NALF1: variants seen among roughly 807,000 people sequenced by gnomAD.
The protein encoded by NALF1 is NALCN channel auxiliary factor 1, also known as family with sequence similarity 155 member A.
NALF1 carries 3 observed loss-of-function variants against 48.4 expected under a neutral mutation model. The ratio of observed to expected loss-of-function variants is 0.06; its 90% CI spans 0.03 to 0.16. The LOEUF is 0.16. Ranked by LOEUF, NALF1 falls within the 10% of genes least tolerant of loss-of-function variation. The pLI, the probability that NALF1 is intolerant of heterozygous loss-of-function variation, is 1.00. For synonymous variants in NALF1, 262 were observed against 245.7 expected (o/e 1.07, Z -0.62); for missense variants, 526 against 571.5 (o/e 0.92, Z 0.81).
chr13:107,542,931 T>A (rs953599762), intron 1 of NALF1, among the ~76,000 whole-genome samples: 2 of 152,082 alleles, frequency 1.3e-5, no homozygotes, highest in African/African-American at 4.8e-5. Flanking sequence ...ATTATATAAA[T>A]GTTCTTTTGT....
chr13:107,807,416 A>C (rs1189388309), intron 1 of NALF1, among the ~76,000 whole-genome samples: 1 of 152,176 alleles, frequency 6.6e-6, no homozygotes, highest in Non-Finnish European at 1.5e-5. Context: ...AAATGTCTAA[A>C]ATGACACACC....
At position 107,621,579 on chromosome 13, in the gene NALF1, G is replaced by A. The variant is rs181221507; in HGVS notation, c.915+244103C>T. 1.6e-3 allele frequency among the ~76,000 whole-genome samples: 244 copies of A among 152,286 alleles called. 1 individual carries two copies. Among genetic ancestry groups the A allele is most frequent in the African/African-American group, 4.7e-3 (197 of 41,544 alleles). On this transcript the variant is annotated intron_variant, in intron 1 of 2. Coordinates refer to ENST00000375915, the MANE Select transcript of NALF1 (RefSeq NM_001080396.3). ...GAAGTTCCAGCTTTCAAATGATTGC[G>A]TGATTTTTTCCTCTACTATAGGTGT... is the stretch of plus-strand genomic sequence containing the variant.
intron 1 of NALF1, among the ~76,000 whole-genome samples, chr13:107,260,234 T>C (rs1436969494): frequency 1.3e-5 from 2 of 152,214 alleles, no homozygotes; most frequent in Non-Finnish European, 2.9e-5. Flanking sequence ...CGGGATGAAG[T>C]CATCGTTAAC....
At position 107,596,442 on chromosome 13, in the gene NALF1, T is replaced by C. The variant is rs144440297; in HGVS notation, c.915+269240A>G. ...AACCCAAATGCTCATCAATGATAGA[T>C]TGGATAAAGAAAATGTGGCATATAT... is the stretch of plus-strand genomic sequence containing the variant. On this transcript the variant is annotated intron_variant, in intron 1 of 2. Transcript: ENST00000375915. Among the ~76,000 whole-genome samples, 901 of 152,098 alleles carry C rather than the reference T, an allele frequency of 5.9e-3. 2 individuals are homozygous for C. The highest frequency in any genetic ancestry group is 9.4e-3 in the Non-Finnish European group (642 of 67,984).
intron 1 of NALF1, among the ~76,000 whole-genome samples, chr13:107,409,543 C>T (rs1594047377): frequency 6.6e-6 from 1 of 152,156 alleles, no homozygotes; most frequent in Non-Finnish European, 1.5e-5. Flanking sequence ...CAGTGTGGGA[C>T]AAGATCTCAG....
intron 1 of NALF1, among the ~76,000 whole-genome samples, chr13:107,597,535 T>C (rs1449043565): frequency 1.3e-5 from 2 of 152,132 alleles, no homozygotes; most frequent in Non-Finnish European, 2.9e-5. Context: ...ACACATCAAA[T>C]TATATCTTCC....
intron 1 of NALF1, among the ~76,000 whole-genome samples, chr13:107,710,192 A>G (rs1257407357): frequency 2.6e-5 from 4 of 152,122 alleles, no homozygotes; most frequent in African/African-American, 9.7e-5. Context: ...AAGAAAGAAA[A>G]GAAAGGAAAA....
At chr13:107,306,348 T>TA (rs1881936066) in intron 1 of NALF1, among the ~76,000 whole-genome samples, 1 of 152,188 alleles carries the variant, frequency 6.6e-6, no homozygotes, top group Admixed American at 6.5e-5. Context: ...TTGAGGATTG[T>TA]ATAGCAACAG....
At position 107,193,969 on chromosome 13, in the gene NALF1, A is replaced by C. The variant is rs1034258891; in HGVS notation, c.1087+16615T>G. ...ATCTCTCCATGTACATCTACCACCA[A>C]TACATCTTTATATATCTCAACTTAT... On this transcript the variant is annotated intron_variant, in intron 2 of 2. Transcript: ENST00000375915. 2.0e-5 allele frequency among the ~76,000 whole-genome samples: 3 copies of C among 152,222 alleles called. No homozygotes were observed. In the East Asian group the frequency reaches 5.8e-4, roughly 29 times the overall value.
intron 1 of NALF1, among the ~76,000 whole-genome samples, chr13:107,621,553 A>C (rs1295381259): frequency 6.6e-6 from 1 of 152,228 alleles, no homozygotes; most frequent in Non-Finnish European, 1.5e-5. Context: ...GCTACTGCTA[A>C]GAAGTTCCAG....
At chr13:107,461,533 C>T (rs1351480116) in intron 1 of NALF1, among the ~76,000 whole-genome samples, 1 of 152,174 alleles carries the variant, frequency 6.6e-6, no homozygotes, top group Non-Finnish European at 1.5e-5. Flanking sequence ...ATTCTCTAAA[C>T]ACTTCCTACC....
chr13:107,402,587 T>C (rs1243843840), intron 1 of NALF1, among the ~76,000 whole-genome samples: 9 of 152,220 alleles, frequency 5.9e-5, no homozygotes, highest in Non-Finnish European at 1.2e-4. Context: ...CAGTTATGTA[T>C]GTTGTCACAT....
At chr13:107,280,275 T>C (rs1207976922) in intron 1 of NALF1, among the ~76,000 whole-genome samples, 1 of 152,236 alleles carries the variant, frequency 6.6e-6, no homozygotes, top group African/African-American at 2.4e-5. Context: ...CGAAAATAAT[T>C]TCTGACTACT....
At chr13:107,598,352 G>A (rs1878816389) in intron 1 of NALF1, among the ~76,000 whole-genome samples, 1 of 152,144 alleles carries the variant, frequency 6.6e-6, no homozygotes, top group Non-Finnish European at 1.5e-5. Context: ...ATTCAGAACT[G>A]AAATGCCTAT....
At chr13:107,767,836 A>T (rs1342940848) in intron 1 of NALF1, among the ~76,000 whole-genome samples, 1 of 152,128 alleles carries the variant, frequency 6.6e-6, no homozygotes, top group Non-Finnish European at 1.5e-5. Flanking sequence ...ACTTCAGGCC[A>T]TTGCTAAATC....
chr13:107,320,963 T>C (rs1331818799), intron 1 of NALF1: 4 of 178,166 alleles, frequency 2.2e-5, no homozygotes, highest in African/African-American at 4.7e-5. Flanking sequence ...TCACTGGTGG[T>C]ATCATTAAGA....
intron 1 of NALF1, among the ~76,000 whole-genome samples, chr13:107,660,622 A>ATTT (rs1880712908): frequency 1.3e-5 from 2 of 152,288 alleles, no homozygotes; most frequent in South Asian, 4.1e-4. Context: ...ATCTACAGTT[A>ATTT]AAAAGCATGA....
rs181144365 is a variant in NALF1 at position 107,229,201 on chromosome 13, G to A, written c.916-18446C>T. 3.4e-4 allele frequency among the ~76,000 whole-genome samples: 51 copies of A among 152,040 alleles called. No individual in the cohort carries two copies. The East Asian group carries it at 9.5e-3, about 28-fold the overall frequency. ...ATATTTTGAAGTAATAATACATTTA[G>A]GTGAGCATATTCATTTTGGATTTCA... On this transcript the variant is annotated intron_variant, in intron 1 of 2. Coordinates refer to ENST00000375915, the MANE Select transcript of NALF1 (RefSeq NM_001080396.3).
intron 2 of NALF1, among the ~76,000 whole-genome samples, chr13:107,177,593 A>G (rs1274095856): frequency 6.6e-6 from 1 of 152,164 alleles, no homozygotes; most frequent in African/African-American, 2.4e-5. Flanking sequence ...AAATCCACAC[A>G]TCTACAGTGA....
Sources: allele counts gnomAD v4.1 joint callset (sites outside exome capture counted in the v4.1 genomes callset), GRCh38; gene constraint gnomAD v4.1.1; transcripts MANE v1.5; gene names NCBI Gene and HGNC (gene_info 2026-07-23, HGNC 2026-07-21).